The following RALA variants were observed in gnomAD, a reference collection of about 807,000 sequenced individuals.
RALA encodes the protein RAS like proto-oncogene A, also known as ras-related protein Ral-A.
Under a neutral mutation model 24.0 loss-of-function variants are expected in RALA, and 5 were observed. That is an observed-to-expected ratio of 0.21 (90% CI 0.11 to 0.44). The LOEUF (loss-of-function observed/expected upper bound fraction) is 0.44, where lower values mean the gene tolerates loss of function less well. Among genes scored for constraint, RALA ranks in the 20% least tolerant of loss-of-function variants. RALA has a pLI of 0.99. For synonymous variants in RALA, 77 were observed against 83.8 expected, an observed-to-expected ratio of 0.92 and a Z score of 0.44; for missense variants, 95 against 241.2, an observed-to-expected ratio of 0.39 and a Z score of 4.01.
chr7:39,673,532 TG>T (rs1242930620), intron 1 of RALA, among the ~76,000 whole-genome samples: 3 of 152,162 alleles, frequency 2.0e-5, no homozygotes, highest in African/African-American at 7.2e-5. Flanking sequence ...GGTTGTAAAT[TG>T]GGTCTTTCAT....
At chr7:39,664,080 C>T (rs540679039) in intron 1 of RALA, among the ~76,000 whole-genome samples, 17 of 152,274 alleles carry the variant, frequency 1.1e-4, no homozygotes, top group African/African-American at 4.1e-4. Context: ...ATTTTTAATG[C>T]AGACAAAATT....
At chr7:39,628,681 G>T (rs1302702144) in intron 1 of RALA, among the ~76,000 whole-genome samples, 1 of 151,962 alleles carries the variant, frequency 6.6e-6, no homozygotes, top group African/African-American at 2.4e-5. Flanking sequence ...TCAGCCTCCC[G>T]AGTAGCTGGG....
intron 1 of RALA, among the ~76,000 whole-genome samples, chr7:39,685,518 G>A (rs890513759): frequency 3.9e-5 from 6 of 151,950 alleles, no homozygotes; most frequent in African/African-American, 1.2e-4. Context: ...CTCCACACAC[G>A]TTCAGAGTGT....
intron 1 of RALA, among the ~76,000 whole-genome samples, chr7:39,674,222 G>T (rs13311977): frequency 0.066 from 9,989 of 152,176 alleles, 498 homozygotes; most frequent in Non-Finnish European, 0.1. Flanking sequence ...TGGGATTACA[G>T]ATTAGAGCCG....
chr7:39,657,742 C>CA (rs1053296712), intron 1 of RALA, among the ~76,000 whole-genome samples: 7 of 145,272 alleles, frequency 4.8e-5, no homozygotes, highest in South Asian at 2.2e-4. Context: ...GGCAACACAG[C>CA]AAGAGCCTGT....
chr7:39,631,149 A>G (rs1446908915), intron 1 of RALA, among the ~76,000 whole-genome samples: 1 of 151,968 alleles, frequency 6.6e-6, no homozygotes, highest in East Asian at 1.9e-4. Flanking sequence ...CTGGAACCAC[A>G]GGCGTGTGCC....
intron 1 of RALA, among the ~76,000 whole-genome samples, chr7:39,634,587 C>A (rs1342560292): frequency 6.6e-6 from 1 of 152,062 alleles, no homozygotes; most frequent in African/African-American, 2.4e-5. Context: ...GGACACCAGC[C>A]CTAGTCATTT....
chr7:39,704,027 A>G lies in RALA; in HGVS notation c.499-2096A>G, dbSNP rs374627235. On this transcript the variant is annotated intron_variant, in intron 4 of 4. Coordinates refer to ENST00000005257, the MANE Select transcript of RALA (RefSeq NM_005402.4). Reference sequence around the variant, plus strand: ...CTAAAAATACAAAAATTAGCCAGACATGGTGGTGCCTGTCTGTAATCCCAG... The same window carrying G: ...CTAAAAATACAAAAATTAGCCAGACGTGGTGGTGCCTGTCTGTAATCCCAG... 1.9e-3 allele frequency among the ~76,000 whole-genome samples: 289 copies of G among 151,932 alleles called. 1 individual carries two copies. The highest frequency in any genetic ancestry group is 6.6e-3 in the African/African-American group (275 of 41,462).
intron 1 of RALA, among the ~76,000 whole-genome samples, chr7:39,635,223 C>T (rs975021111): frequency 6.6e-6 from 1 of 151,926 alleles, no homozygotes; most frequent in Non-Finnish European, 1.5e-5. Context: ...ACAGAAAAAT[C>T]AGCCGAGCAT....
intron 1 of RALA, among the ~76,000 whole-genome samples, chr7:39,645,127 T>C (rs1791902642): frequency 6.6e-6 from 1 of 152,246 alleles, no homozygotes; most frequent in Non-Finnish European, 1.5e-5. Flanking sequence ...ATTGAGACTA[T>C]AATTGTAACA....
At position 39,706,262 on chromosome 7, in the gene RALA, T is replaced by C; in HGVS notation, c.*17T>C. ...ATTTTATAATCAAAGCCCAAACTCCTTTCTTATCTTGACCATACTAATAAA... is the reference window on the plus strand; with the variant it reads ...ATTTTATAATCAAAGCCCAAACTCCCTTCTTATCTTGACCATACTAATAAA... On this transcript the variant is annotated 3_prime_UTR_variant, in exon 5 of 5. Transcript: ENST00000005257. The C allele has an allele frequency of 1.3e-6, 2 of 1,598,902 alleles. No homozygotes were observed. The highest frequency in any genetic ancestry group is 2.3e-5 in the South Asian group (2 of 87,582).
At chr7:39,706,045 AGTTTAC>A (rs1005724491) in intron 4 of RALA, 72 bp from the exon 5 acceptor site, 3 of 1,310,554 alleles carry the variant, frequency 2.3e-6, no homozygotes, top group Non-Finnish European at 3.2e-6. Context: ...TTACCCCCAA[AGTTTAC>A]TGCTGTGATT....
At chr7:39,681,730 AT>A in intron 1 of RALA, among the ~76,000 whole-genome samples, 2 of 152,146 alleles carry the variant, frequency 1.3e-5, no homozygotes, top group East Asian at 3.9e-4. Context: ...AGCTCATGCC[AT>A]TTTGTGACTT....
chr7:39,658,785 G>A (rs1016596597), intron 1 of RALA, among the ~76,000 whole-genome samples: 1 of 151,160 alleles, frequency 6.6e-6, no homozygotes, highest in African/African-American at 2.4e-5. Context: ...GTCTTACCAC[G>A]TTGCCCAGGC....
At chr7:39,627,142 A>G (rs542522183) in intron 1 of RALA, among the ~76,000 whole-genome samples, 26 of 152,134 alleles carry the variant, frequency 1.7e-4, no homozygotes, top group Non-Finnish European at 3.1e-4. Context: ...CCCATAAGTA[A>G]CAGTTATTCT....
intron 1 of RALA, among the ~76,000 whole-genome samples, chr7:39,636,413 A>G (rs912141307): frequency 6.6e-6 from 1 of 152,184 alleles, no homozygotes; most frequent in Admixed American, 6.5e-5. Context: ...TAGTGAATAT[A>G]ATTTCTGTCT....
chr7:39,649,007 C>G (rs531356995), intron 1 of RALA, among the ~76,000 whole-genome samples: 3 of 152,280 alleles, frequency 2.0e-5, no homozygotes, highest in African/African-American at 7.2e-5. Context: ...CTGTGCTGAG[C>G]TGTGATCATG....
At position 39,707,848 on chromosome 7, in the gene RALA, A is replaced by G. The variant is rs1793146454; in HGVS notation, c.*1603A>G. The G allele has an allele frequency of 6.6e-6, 1 of 152,656 alleles. No individual in the cohort carries two copies. Among genetic ancestry groups the G allele is most frequent in the Admixed American group, 6.5e-5 (1 of 15,278 alleles). The allele number at this position is 152,656 out of a possible 1,614,324, so 9.5% of individuals were successfully genotyped here. ...GTACATCTTTCATTTCGTATTTCTCATAGGCTATGCCATGTGCGGAATTCA... is the reference window on the plus strand; with the variant it reads ...GTACATCTTTCATTTCGTATTTCTCGTAGGCTATGCCATGTGCGGAATTCA... On this transcript the variant is annotated 3_prime_UTR_variant, in exon 5 of 5. Coordinates refer to ENST00000005257, the MANE Select transcript of RALA (RefSeq NM_005402.4).
intron 1 of RALA, among the ~76,000 whole-genome samples, chr7:39,673,264 T>G (rs1002951302): frequency 6.6e-6 from 1 of 152,178 alleles, no homozygotes; most frequent in Non-Finnish European, 1.5e-5. Flanking sequence ...GACTTCTGAG[T>G]CAGGTGCTTT....
Sources: gnomAD v4.1 joint callset for allele counts (sites outside exome capture counted in the v4.1 genomes callset) on GRCh38, gnomAD v4.1.1 for gene constraint, MANE v1.5 for transcripts, NCBI Gene and HGNC (gene_info 2026-07-23, HGNC 2026-07-21) for gene names.